The following CCDC91 variants were observed in gnomAD, a reference collection of about 807,000 sequenced individuals.
CCDC91 encodes the protein coiled-coil domain-containing protein 91.
A neutral mutation model predicts 63.2 loss-of-function variants in CCDC91; 48 were observed. The ratio of observed to expected loss-of-function variants is 0.76; its 90% CI spans 0.60 to 0.97. The LOEUF is 0.97. Among genes scored for constraint, CCDC91 ranks in the 50% least tolerant of loss-of-function variants. The pLI is 0.00. For synonymous variants in CCDC91, 167 were observed against 165.8 expected (o/e 1.01, Z -0.06); for missense variants, 500 against 494.6 (o/e 1.01, Z -0.10).
intron 11 of CCDC91, among the ~76,000 whole-genome samples, chr12:28,472,338 A>G (rs1950862819): frequency 6.6e-6 from 1 of 152,204 alleles, no homozygotes; most frequent in Non-Finnish European, 1.5e-5. Context: ...GACCTAAATC[A>G]GGGATTGGCA....
chr12:28,275,251 G>T (rs1384696898), intron 3 of CCDC91, among the ~76,000 whole-genome samples: 2 of 151,720 alleles, frequency 1.3e-5, no homozygotes, highest in African/African-American at 4.8e-5. Context: ...AAAGAGAGAA[G>T]AATCAAATAG....
At chr12:28,360,198 C>G (rs1428404512) in intron 6 of CCDC91, among the ~76,000 whole-genome samples, 1 of 151,864 alleles carries the variant, frequency 6.6e-6, no homozygotes, top group Non-Finnish European at 1.5e-5. Flanking sequence ...TGTAATATGA[C>G]AAGATAAAGG....
intron 12 of CCDC91, among the ~76,000 whole-genome samples, chr12:28,528,478 G>A (rs1426171012): frequency 6.6e-6 from 1 of 152,184 alleles, no homozygotes; most frequent in East Asian, 1.9e-4. Flanking sequence ...CAGTATTTGG[G>A]GTGTCTCCCA....
chr12:28,377,039 A>G (rs1565881317), intron 7 of CCDC91, among the ~76,000 whole-genome samples: 1 of 151,590 alleles, frequency 6.6e-6, no homozygotes, highest in Non-Finnish European at 1.5e-5. Context: ...AGGTATGAAC[A>G]TTTAGGTTAA....
intron 7 of CCDC91, among the ~76,000 whole-genome samples, chr12:28,380,775 C>G (rs1165881334): frequency 1.3e-5 from 2 of 151,972 alleles, no homozygotes; most frequent in Non-Finnish European, 2.9e-5. Context: ...AATATAATGT[C>G]AATTATTTAG....
At chr12:28,302,695 G>T in intron 3 of CCDC91, 1 of 937,596 alleles carries the variant, frequency 1.1e-6, no homozygotes, top group Non-Finnish European at 1.3e-6. Context: ...TGAGCAAATG[G>T]TTTTTTGATG....
At chr12:28,532,425 C>T (rs1220619531) in intron 12 of CCDC91, among the ~76,000 whole-genome samples, 1 of 151,736 alleles carries the variant, frequency 6.6e-6, no homozygotes, top group African/African-American at 2.4e-5. Context: ...ACAGTCATAG[C>T]AATTATTTTT....
At position 28,305,882 on chromosome 12, in the gene CCDC91, ATTTC is replaced by A; in HGVS notation, c.267+80_267+83del. The A allele has an allele frequency of 2.3e-6, 3 of 1,288,878 alleles. No individual in the cohort carries two copies. The South Asian group carries it at 4.3e-5, about 18-fold the overall frequency. The allele number at this position is 1,288,878 out of a possible 1,614,324, so 79.8% of individuals were successfully genotyped here. On this transcript the variant is annotated intron_variant, in intron 4 of 12. Coordinates refer to ENST00000536442, the MANE Select transcript of CCDC91 (RefSeq NM_018318.5). ...TGCTAATTTAATTGTTGCTTTTTTA[ATTTC>A]TTTTTTAGCCTATTTGTCTAAAAGA...
At chr12:28,216,277 C>T (rs1400292085) in intron 1 of CCDC91, among the ~76,000 whole-genome samples, 1 of 152,082 alleles carries the variant, frequency 6.6e-6, no homozygotes, top group Non-Finnish European at 1.5e-5. Flanking sequence ...AATCCTTTCT[C>T]TGTGTTTCTC....
intron 1 of CCDC91, among the ~76,000 whole-genome samples, chr12:28,255,138 G>C (rs145928024): frequency 6.6e-6 from 1 of 152,244 alleles, no homozygotes; most frequent in East Asian, 1.9e-4. Flanking sequence ...AGCTAAATCA[G>C]AACTTAGGAA....
chr12:28,477,666 T>G (rs1295941265), intron 11 of CCDC91, among the ~76,000 whole-genome samples: 1 of 152,020 alleles, frequency 6.6e-6, no homozygotes, highest in African/African-American at 2.4e-5. Flanking sequence ...AAAGAGGAAG[T>G]CAAATTATCC....
chr12:28,289,148 CT>C (rs1490495901), intron 3 of CCDC91, among the ~76,000 whole-genome samples: 1 of 150,622 alleles, frequency 6.6e-6, no homozygotes, highest in Non-Finnish European at 1.5e-5. Context: ...ATTCGTTGAT[CT>C]TTTGAATTTT....
chr12:28,477,461 G>T (rs1019909668), intron 11 of CCDC91, among the ~76,000 whole-genome samples: 2 of 151,988 alleles, frequency 1.3e-5, no homozygotes, highest in Non-Finnish European at 2.9e-5. Context: ...GTATTGATGG[G>T]ACATATCTCA....
intron 12 of CCDC91, among the ~76,000 whole-genome samples, chr12:28,519,897 A>G (rs1482118667): frequency 1.3e-5 from 2 of 151,274 alleles, no homozygotes; most frequent in Admixed American, 1.3e-4. Flanking sequence ...AAGGACATGA[A>G]CTCTTCCTTT....
chr12:28,484,228 A>T (rs997532915), intron 12 of CCDC91, 63 bp downstream of exon 12: 1 of 772,876 alleles, frequency 1.3e-6, no homozygotes, highest in African/African-American at 1.8e-5. Flanking sequence ...ACTTCCATAC[A>T]ATAACATGAA....
chr12:28,224,066 A>G (rs1429641245), intron 1 of CCDC91, among the ~76,000 whole-genome samples: 3 of 152,134 alleles, frequency 2.0e-5, no homozygotes, highest in African/African-American at 7.2e-5. Flanking sequence ...TTTTGTGCCC[A>G]TGTGGTTTCT....
intron 8 of CCDC91, among the ~76,000 whole-genome samples, chr12:28,428,912 G>T (rs148231687): frequency 6.8e-4 from 104 of 152,194 alleles, no homozygotes; most frequent in African/African-American, 2.3e-3. Flanking sequence ...AGTGGGCAGG[G>T]AGTCTAATGT....
intron 6 of CCDC91, among the ~76,000 whole-genome samples, chr12:28,355,872 T>G (rs944238799): frequency 3.9e-5 from 6 of 152,182 alleles, no homozygotes; most frequent in African/African-American, 7.2e-5. Flanking sequence ...GAGCAGTGAT[T>G]AAAATTAGTC....
intron 11 of CCDC91, among the ~76,000 whole-genome samples, chr12:28,481,585 C>T (rs974578072): frequency 9.9e-5 from 15 of 152,004 alleles, no homozygotes; most frequent in Non-Finnish European, 1.6e-4. Flanking sequence ...TCACATACCA[C>T]TTGCATACAT....
Sources: allele counts gnomAD v4.1 joint callset (sites outside exome capture counted in the v4.1 genomes callset), GRCh38; gene constraint gnomAD v4.1.1; transcripts MANE v1.5; gene names NCBI Gene and HGNC (gene_info 2026-07-23, HGNC 2026-07-21).